Variants in LRRK2 observed in about 807,000 individuals in gnomAD.
LRRK2 encodes leucine rich repeat kinase 2.
A neutral mutation model predicts 302.6 loss-of-function variants in LRRK2; 203 were observed. The observed-to-expected ratio is 0.67, with a 90% CI of 0.60 to 0.75. The LOEUF (loss-of-function observed/expected upper bound fraction) is 0.75, where lower values mean the gene tolerates loss of function less well. Among genes scored for constraint, LRRK2 ranks in the 30% least tolerant of loss-of-function variants. The pLI is 0.00. For synonymous variants in LRRK2, 1,066 were observed against 1,031.9 expected, an observed-to-expected ratio of 1.03 and a Z score of -0.63; for missense variants, 2,830 against 2,951.0, an observed-to-expected ratio of 0.96 and a Z score of 0.95.
chr12:40,363,677 A>G (rs1052517698), intron 48 of LRRK2, 123 bp downstream of exon 48: 2 of 1,072,634 alleles, frequency 1.9e-6, no homozygotes, highest in Admixed American at 4.8e-5. Context: ...ATGCAGAAAA[A>G]AATTTGTAAT....
rs1942680631 is a variant in LRRK2, at chr12:40,259,600, G to A, written c.1539G>A (p.Val513=). ...EALRAILHFI[V]PGMPEESRED... Reference sequence around the variant, plus strand: ...TTCGAGCTATTTTACATTTTATAGTGCCTGGTAAGTTACATAGTTGATTGT... The same window carrying A: ...TTCGAGCTATTTTACATTTTATAGTACCTGGTAAGTTACATAGTTGATTGT... Residue 513 remains valine (V), a synonymous_variant, in exon 13 of 51, where the codon GTG becomes GTA. Coordinates refer to ENST00000298910, the MANE Select transcript of LRRK2 (RefSeq NM_198578.4). 1.9e-6 allele frequency: 3 copies of A among 1,612,852 alleles called. No homozygotes were observed. The highest frequency in any genetic ancestry group is 2.5e-6 in the Non-Finnish European group (3 of 1,179,218).
chr12:40,331,027 T>A (rs1325819638), intron 39 of LRRK2, among the ~76,000 whole-genome samples: 1 of 152,232 alleles, frequency 6.6e-6, no homozygotes, highest in Non-Finnish European at 1.5e-5. Context: ...TCTGTTCATG[T>A]CAATTAGAAT....
At chr12:40,278,839 A>T (rs183406778) in intron 18 of LRRK2, among the ~76,000 whole-genome samples, 1 of 152,188 alleles carries the variant, frequency 6.6e-6, no homozygotes, top group South Asian at 2.1e-4. Flanking sequence ...AATTCAAATT[A>T]TCTTTCTTTA....
At chr12:40,292,409 A>C in intron 20 of LRRK2, among the ~76,000 whole-genome samples, 1 of 152,020 alleles carries the variant, frequency 6.6e-6, no homozygotes, top group African/African-American at 2.4e-5. Context: ...TCAAGAAAAC[A>C]TTAGAAATTT....
intron 16 of LRRK2, among the ~76,000 whole-genome samples, chr12:40,275,795 G>C (rs1463763543): frequency 6.6e-6 from 1 of 151,932 alleles, no homozygotes; most frequent in Non-Finnish European, 1.5e-5. Context: ...ATTTTTTGTA[G>C]AGATGAGGTT....
Position 40,238,093 on chromosome 12 carries a change from G to A in LRRK2, c.561G>A (p.Leu187=). The A allele has an allele frequency of 1.2e-6, 2 of 1,613,404 alleles. No individual in the cohort carries two copies. Among genetic ancestry groups the A allele is most frequent in the Non-Finnish European group, 1.7e-6 (2 of 1,179,676 alleles). Residue 187 remains leucine (L), a synonymous_variant, in exon 5 of 51, where the codon CTG becomes CTA. Coordinates refer to ENST00000298910, the MANE Select transcript of LRRK2 (RefSeq NM_198578.4). Reference sequence around the variant, plus strand: ...TTGGATGCAAAGCTTTACATGTGCTGTTTGAGAGAGGTATTTTAAAATGTC... The same window carrying A: ...TTGGATGCAAAGCTTTACATGTGCTATTTGAGAGAGGTATTTTAAAATGTC... ...QKLGCKALHV[L]FERVSEEQLT...
intron 39 of LRRK2, among the ~76,000 whole-genome samples, chr12:40,329,025 G>A (rs1945632800): frequency 6.6e-6 from 1 of 152,124 alleles, no homozygotes; most frequent in Non-Finnish European, 1.5e-5. Context: ...CAGGGTGAAA[G>A]AAGAAGTTTA....
At chr12:40,347,427 A>G (rs558917962) in intron 42 of LRRK2, among the ~76,000 whole-genome samples, 6 of 152,322 alleles carry the variant, frequency 3.9e-5, no homozygotes, top group Non-Finnish European at 8.8e-5. Context: ...CTTAACCATT[A>G]CTTTAGTTCT....
At chr12:40,322,974 A>G (rs1302409885) in intron 37 of LRRK2, among the ~76,000 whole-genome samples, 186 bp from the exon 38 acceptor site, 1 of 152,152 alleles carries the variant, frequency 6.6e-6, no homozygotes, top group Non-Finnish European at 1.5e-5. Context: ...TTAAAATTCC[A>G]AGTAGATAGA....
In LRRK2 at chr12:40,324,825, C is replaced by T. The variant is rs555235399; in HGVS notation, c.5656+1519C>T. On this transcript the variant is annotated intron_variant, in intron 38 of 50. Coordinates refer to ENST00000298910, the MANE Select transcript of LRRK2 (RefSeq NM_198578.4). ...CCTTGCTGAATCCTACATCTTAACCCCAGACTTCAAGGTATACAGGAAAGT... is the reference window on the plus strand; with the variant it reads ...CCTTGCTGAATCCTACATCTTAACCTCAGACTTCAAGGTATACAGGAAAGT... Among the ~76,000 whole-genome samples, 3 of 152,272 alleles carry T rather than the reference C, an allele frequency of 2.0e-5. No individual in the cohort carries two copies. In the East Asian group the frequency reaches 5.8e-4, roughly 29 times the overall value.
intron 41 of LRRK2, among the ~76,000 whole-genome samples, chr12:40,345,356 C>CTCCT (rs1946159414): frequency 6.6e-6 from 1 of 152,052 alleles, no homozygotes; most frequent in South Asian, 2.1e-4. Flanking sequence ...GGTGCAGTGG[C>CTCCT]TCCTGCCTGT....
At chr12:40,246,630 A>G (rs1592154272) in intron 7 of LRRK2, among the ~76,000 whole-genome samples, 1 of 152,058 alleles carries the variant, frequency 6.6e-6, no homozygotes, top group Non-Finnish European at 1.5e-5. Flanking sequence ...TTTCTCTTTT[A>G]TTGAGCATCC....
chr12:40,263,794 C>A lies in LRRK2; in HGVS notation c.1549C>A (p.Pro517Thr), dbSNP rs1592183599. 2 of 1,608,020 alleles carry A rather than the reference C, an allele frequency of 1.2e-6. No homozygotes were observed. The highest frequency in any genetic ancestry group is 1.7e-4 in the Middle Eastern group (1 of 5,984). Residue 517 changes from proline to threonine, a missense_variant, in exon 14 of 51, where the codon CCA (proline) becomes ACA (threonine). Coordinates refer to ENST00000298910, the MANE Select transcript of LRRK2 (RefSeq NM_198578.4). ...AILHFIVPGMPEESREDTEFH... is the reference protein window; with the variant it reads ...AILHFIVPGMTEESREDTEFH... The stretch of plus-strand genomic sequence containing the variant: ...TTATTTATCTGTGCATTTAGGCATG[C>A]CAGAAGAATCCAGGGAGGATACAGA...
intron 48 of LRRK2, among the ~76,000 whole-genome samples, chr12:40,364,595 C>A (rs1378173711): frequency 6.6e-6 from 1 of 151,092 alleles, no homozygotes; most frequent in African/African-American, 2.4e-5. Flanking sequence ...AAAATTGTAT[C>A]CCTCTTATTC....
At chr12:40,272,594 A>G (rs919737619) in intron 14 of LRRK2, among the ~76,000 whole-genome samples, 3 of 152,162 alleles carry the variant, frequency 2.0e-5, no homozygotes, top group African/African-American at 7.2e-5. Context: ...TTGAAGTCAT[A>G]TTAGTGTATG....
At chr12:40,324,058 A>G (rs184967137) in intron 38 of LRRK2, among the ~76,000 whole-genome samples, 70 of 152,282 alleles carry the variant, frequency 4.6e-4, no homozygotes, top group Non-Finnish European at 8.7e-4. Flanking sequence ...TGTATGCATT[A>G]TAACTACTTT....
At chr12:40,225,390 T>C (rs113691562) in intron 1 of LRRK2, 108 bp downstream of exon 1, 3 of 1,405,540 alleles carry the variant, frequency 2.1e-6, no homozygotes, top group Non-Finnish European at 3.0e-6. Context: ...ACCCGGACTC[T>C]TAAGGAGCCG....
intron 5 of LRRK2, among the ~76,000 whole-genome samples, chr12:40,239,918 C>T (rs1941652468): frequency 6.6e-6 from 1 of 152,142 alleles, no homozygotes; most frequent in Non-Finnish European, 1.5e-5. Context: ...ATAACAATGA[C>T]TCCAAATGGA....
At chr12:40,284,154 T>C in intron 19 of LRRK2, 21 bp downstream of exon 19, 1 of 1,583,340 alleles carries the variant, frequency 6.3e-7, no homozygotes, top group Non-Finnish European at 8.6e-7. Context: ...AGGAGAATAT[T>C]TTTTACAATT....
Sources: allele counts gnomAD v4.1 joint callset (sites outside exome capture counted in the v4.1 genomes callset), GRCh38; gene constraint gnomAD v4.1.1; transcripts MANE v1.5; gene names NCBI Gene and HGNC (gene_info 2026-07-23, HGNC 2026-07-21).